PIEZO2: variants seen among roughly 807,000 people sequenced by gnomAD.
The protein encoded by PIEZO2 is piezo type mechanosensitive ion channel component 2.
PIEZO2 carries 172 observed loss-of-function variants against 337.3 expected under a neutral mutation model. The observed-to-expected ratio is 0.51, with a 90% CI of 0.45 to 0.58. The LOEUF (loss-of-function observed/expected upper bound fraction) is 0.58. Ranked by LOEUF, PIEZO2 falls within the 20% of genes least tolerant of loss-of-function variation. PIEZO2 has a pLI of 0.00. For missense variants in PIEZO2, 3,028 were observed against 3,391.3 expected, an observed-to-expected ratio of 0.89 and a Z score of 2.66; for synonymous variants, 1,251 against 1,228.5, an observed-to-expected ratio of 1.02 and a Z score of -0.38.
chr18:11,061,104 C>T (rs1194146078), intron 2 of PIEZO2, among the ~76,000 whole-genome samples: 29 of 152,108 alleles, frequency 1.9e-4, no homozygotes, highest in Non-Finnish European at 3.4e-4. Context: ...GTTCAACATA[C>T]GAAAATCAAT....
At chr18:10,752,277 T>C (rs1190134356) in intron 28 of PIEZO2, among the ~76,000 whole-genome samples, 1 of 152,220 alleles carries the variant, frequency 6.6e-6, no homozygotes, top group African/African-American at 2.4e-5. Flanking sequence ...TTTGAAAAGA[T>C]TCAGTGGCTC....
At chr18:10,867,570 T>C (rs1180461295) in intron 5 of PIEZO2, among the ~76,000 whole-genome samples, 1 of 152,184 alleles carries the variant, frequency 6.6e-6, no homozygotes, top group African/African-American at 2.4e-5. Flanking sequence ...GCTGCCTCTT[T>C]ACACAGGCTA....
At position 10,670,574 on chromosome 18, in the gene PIEZO2, A is replaced by G. The variant is rs975907453; in HGVS notation, c.*953T>C. The G allele has an allele frequency of 1.3e-5, 2 of 152,268 alleles. No homozygotes were observed. The highest frequency in any genetic ancestry group is 2.9e-5 in the Non-Finnish European group (2 of 68,048). 9.4% of individuals were successfully genotyped at this position (152,268 alleles called of 1,614,324 possible). On this transcript the variant is annotated 3_prime_UTR_variant, in exon 56 of 56. Transcript: ENST00000674853. ...ATGTAAACTCTTTGATATACCTGAA[A>G]AACAGGAAGGAAAATGTCACATACT...
At chr18:11,086,947 C>T (rs2038936102) in intron 1 of PIEZO2, among the ~76,000 whole-genome samples, 1 of 152,136 alleles carries the variant, frequency 6.6e-6, no homozygotes, top group Admixed American at 6.5e-5. Flanking sequence ...CCAAATCCAC[C>T]TGCTATGTTC....
chr18:11,125,193 C>T lies in PIEZO2; in HGVS notation c.64+23332G>A, dbSNP rs567947358. 1.3e-5 allele frequency among the ~76,000 whole-genome samples: 2 copies of T among 152,082 alleles called. No homozygotes were observed. The highest frequency in any genetic ancestry group is 2.1e-4 in the South Asian group (1 of 4,804). On this transcript the variant is annotated intron_variant, in intron 1 of 55. Coordinates refer to ENST00000674853, the MANE Select transcript of PIEZO2 (RefSeq NM_001378183.1). The surrounding 1 kb of genome is among the most constrained non-coding windows in gnomAD (Gnocchi z 4.4). ...ATGCACACATACAAAATACACACACCGTCTATCCTGCCAGGCAGGATGGGG... is the reference window on the plus strand; with the variant it reads ...ATGCACACATACAAAATACACACACTGTCTATCCTGCCAGGCAGGATGGGG...
chr18:10,794,671 A>G lies in PIEZO2; in HGVS notation c.1758+101T>C. The G allele has an allele frequency of 3.1e-6, 3 of 954,524 alleles. No homozygotes were observed. In the South Asian group the frequency reaches 5.4e-5, roughly 17 times the overall value. The allele number at this position is 954,524 out of a possible 1,614,324, so 59.1% of individuals were successfully genotyped here. A position where few individuals can be genotyped will look rare whatever the true frequency, so the allele number is the denominator to read the frequency against. ...TTTGTTCATTTTTACAAAGCAGTGA[A>G]TATTTGGAACCTGTTTTTATAAGGT... On this transcript the variant is annotated intron_variant, in intron 13 of 55. Transcript: ENST00000674853. This position sits in a 1 kb window ranked among gnomAD's most constrained non-coding sequence, Gnocchi z 6.6.
intron 8 of PIEZO2, among the ~76,000 whole-genome samples, chr18:10,806,129 A>G (rs1453657498): frequency 6.6e-6 from 1 of 152,176 alleles, no homozygotes; most frequent in East Asian, 1.9e-4. Context: ...GTGGGTACAA[A>G]GACAGACAGA....
chr18:11,060,926 T>C (rs1568339232), intron 2 of PIEZO2, among the ~76,000 whole-genome samples: 1 of 152,222 alleles, frequency 6.6e-6, no homozygotes, highest in African/African-American at 2.4e-5. Flanking sequence ...ATCATCCTGA[T>C]ACTAAAGCCT....
intron 2 of PIEZO2, among the ~76,000 whole-genome samples, chr18:10,981,805 T>G (rs1184056471): frequency 6.6e-6 from 1 of 152,144 alleles, no homozygotes. Flanking sequence ...ACTGGCTAAG[T>G]CTTCTGGCCT....
At chr18:10,951,443 C>G (rs912542471) in intron 3 of PIEZO2, among the ~76,000 whole-genome samples, 1 of 152,120 alleles carries the variant, frequency 6.6e-6, no homozygotes, top group Admixed American at 6.6e-5. Context: ...ATGCCCAAAT[C>G]CCTTCTCACA....
At position 10,872,029 on chromosome 18, in the gene PIEZO2, A is replaced by G. The variant is rs1474940780; in HGVS notation, c.330-614T>C. Among the ~76,000 whole-genome samples the G allele has an allele frequency of 6.6e-6, 1 of 152,204 alleles. No homozygotes were observed. On this transcript the variant is annotated intron_variant, in intron 4 of 55. Coordinates refer to ENST00000674853, the MANE Select transcript of PIEZO2 (RefSeq NM_001378183.1). This position sits in a 1 kb window ranked among gnomAD's most constrained non-coding sequence, Gnocchi z 4.3. ...ATCCTGCTGGGGGCTTCTCACAGCCATCTGTTCTGCTGTGCTGAGGAAGTA... is the reference window on the plus strand; with the variant it reads ...ATCCTGCTGGGGGCTTCTCACAGCCGTCTGTTCTGCTGTGCTGAGGAAGTA...
rs1261730322 is a variant in PIEZO2, at chr18:11,105,498, C to T, written c.65-39276G>A. On this transcript the variant is annotated intron_variant, in intron 1 of 55. Transcript: ENST00000674853. The surrounding 1 kb of genome is among the most constrained non-coding windows in gnomAD (Gnocchi z 4.3). ...CTACCACGTGGTGAGAATCCCAGCACAGCTTATCTCATTCTCTCCTGCTTG... is the reference window on the plus strand; with the variant it reads ...CTACCACGTGGTGAGAATCCCAGCATAGCTTATCTCATTCTCTCCTGCTTG... Among the ~76,000 whole-genome samples the T allele has an allele frequency of 2.0e-5, 3 of 152,092 alleles. No individual in the cohort carries two copies. Among genetic ancestry groups the T allele is most frequent in the African/African-American group, 7.2e-5 (3 of 41,400 alleles).
At chr18:10,801,487 T>G (rs1323086312) in intron 9 of PIEZO2, 59 bp from the exon 10 acceptor site, 1 of 1,412,474 alleles carries the variant, frequency 7.1e-7, no homozygotes, top group African/African-American at 1.4e-5. Context: ...TTTTACTGTT[T>G]ATGTATCTAT....
chr18:11,040,103 C>A (rs1431809742), intron 2 of PIEZO2, among the ~76,000 whole-genome samples: 1 of 80,256 alleles, frequency 1.2e-5, no homozygotes, highest in African/African-American at 4.0e-5. Context: ...TGGCTAAATA[C>A]CATCTGAAAA....
rs77809378 is a variant in PIEZO2, at chr18:10,673,731, T to C, written c.8162-858A>G. Among the ~76,000 whole-genome samples, 540 of 152,200 alleles carry C rather than the reference T, an allele frequency of 3.5e-3. 1 individual carries two copies. Among genetic ancestry groups the C allele is most frequent in the African/African-American group, 0.012 (519 of 41,526 alleles). ...ATACTGGTGCTTCCCCTGAGAAACA[T>C]GGTGGTGAACTATAAACTAAACTGT... is the stretch of plus-strand genomic sequence containing the variant. On this transcript the variant is annotated intron_variant, in intron 54 of 55. Transcript: ENST00000674853. This position sits in a 1 kb window ranked among gnomAD's most constrained non-coding sequence, Gnocchi z 4.8.
intron 2 of PIEZO2, among the ~76,000 whole-genome samples, chr18:10,994,236 C>G (rs767575526): frequency 6.6e-6 from 1 of 152,110 alleles, no homozygotes; most frequent in Non-Finnish European, 1.5e-5. Flanking sequence ...GTTTCTTTAT[C>G]CACTTGTTAA....
rs994105790 is a variant in PIEZO2, at chr18:10,819,642, A to G, written c.918-12368T>C. Among the ~76,000 whole-genome samples the G allele has an allele frequency of 6.6e-6, 1 of 152,230 alleles. No individual in the cohort carries two copies. Among genetic ancestry groups the G allele is most frequent in the Non-Finnish European group, 1.5e-5 (1 of 68,032 alleles). On this transcript the variant is annotated intron_variant, in intron 7 of 55. Transcript: ENST00000674853. The surrounding 1 kb of genome is among the most constrained non-coding windows in gnomAD (Gnocchi z 4.3). ...TTCTCAATGTTGTTCTCAATGCATC[A>G]TCGGTGTTCACCTTCATGCTTGTTC...
chr18:10,709,096 G>A (rs2143821332), intron 39 of PIEZO2: 1 of 152,240 alleles, frequency 6.6e-6, no homozygotes, highest in African/African-American at 2.4e-5. Flanking sequence ...GGCTGTAAAG[G>A]AAAGAACAAA....
intron 4 of PIEZO2, among the ~76,000 whole-genome samples, chr18:10,897,166 G>A (rs575348910): frequency 1.3e-5 from 2 of 152,046 alleles, no homozygotes; most frequent in East Asian, 3.9e-4. Flanking sequence ...TCTCATGGTA[G>A]TGAGTAAGTC....
Sources: allele counts gnomAD v4.1 joint callset (sites outside exome capture counted in the v4.1 genomes callset), GRCh38; gene constraint gnomAD v4.1.1; non-coding constraint Gnocchi (gnomAD v3.1); transcripts MANE v1.5; gene names NCBI Gene and HGNC (gene_info 2026-07-23, HGNC 2026-07-21).